Variants in BCL11A observed in about 807,000 individuals in gnomAD.
BCL11A encodes the protein B cell CLL/lymphoma 11A.
In BCL11A, 2 loss-of-function variants were observed where a neutral mutation model predicts 55.9. The observed-to-expected ratio is 0.04, with a 90% CI of 0.01 to 0.11. The LOEUF (loss-of-function observed/expected upper bound fraction) is 0.11. BCL11A is among the 10% of genes least tolerant of loss of function. BCL11A has a pLI of 1.00. For synonymous variants in BCL11A, 465 were observed against 473.4 expected (o/e 0.98, Z 0.23); for missense variants, 817 against 1,137.1 (o/e 0.72, Z 4.05).
At chr2:60,544,866 G>C (rs375748354) in intron 2 of BCL11A, 17 of 152,308 alleles carry the variant, frequency 1.1e-4, no homozygotes, top group East Asian at 7.7e-4. Flanking sequence ...AAAATGTTTT[G>C]AGGGTCACTA....
At chr2:60,506,443 G>T (rs1679597614) in intron 2 of BCL11A, among the ~76,000 whole-genome samples, 2 of 152,214 alleles carry the variant, frequency 1.3e-5, no homozygotes, top group Admixed American at 6.5e-5. Flanking sequence ...ACGCCACATG[G>T]GTCAACCCGA....
At chr2:60,538,362 T>C (rs992377641) in intron 2 of BCL11A, 4 of 152,238 alleles carry the variant, frequency 2.6e-5, no homozygotes, top group African/African-American at 9.6e-5. Flanking sequence ...TCCAGCAGCA[T>C]TGCATCAGAT....
At chr2:60,505,993 G>C (rs1679569117) in intron 2 of BCL11A, among the ~76,000 whole-genome samples, 1 of 152,172 alleles carries the variant, frequency 6.6e-6, no homozygotes, top group African/African-American at 2.4e-5. Context: ...ACCCAAATAG[G>C]GCTTTGCAGG....
chr2:60,510,666 C>T (rs72962592), intron 2 of BCL11A, among the ~76,000 whole-genome samples: 6,375 of 152,248 alleles, frequency 0.042, 430 homozygotes, highest in African/African-American at 0.14. Flanking sequence ...CACCAAGAAC[C>T]GTTCCCAGCA....
Position 60,460,744 on chromosome 2 carries a change from G to A in BCL11A, c.2168C>T (p.Pro723Leu). Residue 723 changes from proline to leucine, a missense_variant, in exon 4 of 4, where the codon CCC becomes CTC. Pro to Leu is a moderately conservative substitution (Grantham distance 98). Transcript: ENST00000642384. ...RSGTGSGGST[P>L]HISGPGPGRP... is the part of the protein sequence containing the mutation. ...GCCCGGGCCCGGACCACTAATATGG[G>A]GCGTGCTCCCTCCACTTCCCGTGCC... is the stretch of plus-strand genomic sequence containing the variant. The A allele has an allele frequency of 6.2e-7, 1 of 1,614,024 alleles. No homozygotes were observed.
chr2:60,457,950 CTCTTT>C lies in BCL11A; in HGVS notation c.*2449_*2453del. 1 of 1,036,514 alleles carries C rather than the reference CTCTTT, an allele frequency of 9.6e-7. No individual in the cohort carries two copies. Among genetic ancestry groups the C allele is most frequent in the Non-Finnish European group, 1.2e-6 (1 of 861,302 alleles). 64.2% of individuals were successfully genotyped at this position (1,036,514 alleles called of 1,614,324 possible). A position where few individuals can be genotyped will look rare whatever the true frequency, so the allele number is the denominator to read the frequency against. On this transcript the variant is annotated 3_prime_UTR_variant, in exon 4 of 4. Transcript: ENST00000642384. ...TGTAATGTCACACTTTTTTGTTTCTCTCTTTTTTTTTTTTTTGAAGCATACAAATA... is the reference window on the plus strand; with the variant it reads ...TGTAATGTCACACTTTTTTGTTTCTCTTTTTTTTTTTGAAGCATACAAATA...
intron 2 of BCL11A, among the ~76,000 whole-genome samples, chr2:60,497,230 G>C (rs1679001309): frequency 6.6e-6 from 1 of 152,208 alleles, no homozygotes; most frequent in Non-Finnish European, 1.5e-5. Context: ...CACTTAATGA[G>C]CTAGAGAAAC....
chr2:60,526,846 A>T (rs1350608890), intron 2 of BCL11A: 1 of 152,252 alleles, frequency 6.6e-6, no homozygotes, highest in Non-Finnish European at 1.5e-5. Flanking sequence ...TCCCTGCGCT[A>T]ATCTCTGCCC....
At chr2:60,527,099 T>C (rs1033190913) in intron 2 of BCL11A, 2 of 152,184 alleles carry the variant, frequency 1.3e-5, no homozygotes, top group African/African-American at 4.8e-5. Flanking sequence ...TCCAGGCACT[T>C]GGCCTGAAGG....
At chr2:60,513,913 T>G (rs151125856) in intron 2 of BCL11A, among the ~76,000 whole-genome samples, 1 of 152,210 alleles carries the variant, frequency 6.6e-6, no homozygotes, top group Non-Finnish European at 1.5e-5. Flanking sequence ...TCCTGGCTTG[T>G]GGTGAGCAAA....
At chr2:60,451,733 T>TGA (rs1675730793) in exon 5 of BCL11A, 1 of 230,320 alleles carries the variant, frequency 4.3e-6, no homozygotes, top group African/African-American at 2.2e-5. Context: ...GCTCGCCCAG[T>TGA]GATGTTCTTT....
chr2:60,543,956 T>C (rs1421502365), intron 2 of BCL11A: 1 of 152,264 alleles, frequency 6.6e-6, no homozygotes, highest in Non-Finnish European at 1.5e-5. Context: ...ACAGAACCTT[T>C]AGACAACCAG....
At chr2:60,457,130 C>T (rs1675977755), downstream of BCL11A, 1 of 549,098 alleles carries the variant, frequency 1.8e-6, no homozygotes, top group Non-Finnish European at 2.3e-6. Flanking sequence ...TCTCTTAAAA[C>T]CTGTTATTTT....
intron 3 of BCL11A, among the ~76,000 whole-genome samples, chr2:60,462,896 G>A (rs1281546725): frequency 6.6e-6 from 1 of 152,186 alleles, no homozygotes; most frequent in African/African-American, 2.4e-5. Context: ...GGTGACAGGT[G>A]AACTTTCTAA....
chr2:60,541,628 T>G (rs572140563), intron 2 of BCL11A, among the ~76,000 whole-genome samples: 1 of 152,362 alleles, frequency 6.6e-6, no homozygotes, highest in East Asian at 1.9e-4. Context: ...GATAGTGGCC[T>G]CACAAACATA....
At chr2:60,514,981 C>T (rs551144984) in intron 2 of BCL11A, among the ~76,000 whole-genome samples, 2 of 152,154 alleles carry the variant, frequency 1.3e-5, no homozygotes, top group Non-Finnish European at 2.9e-5. Context: ...CAGTCCCTTC[C>T]GAACTCAGCC....
chr2:60,455,984 C>G (rs1358601231), downstream of BCL11A, among the ~76,000 whole-genome samples: 1 of 152,148 alleles, frequency 6.6e-6, no homozygotes, highest in Non-Finnish European at 1.5e-5. Flanking sequence ...CCCCACCCCA[C>G]CTCCTATGTA....
chr2:60,462,224 T>C lies in BCL11A; in HGVS notation c.688A>G (p.Ile230Val). The C allele has an allele frequency of 6.2e-7, 1 of 1,612,796 alleles. No individual in the cohort carries two copies. Among genetic ancestry groups the C allele is most frequent in the African/African-American group, 1.3e-5 (1 of 74,884 alleles). The change falls in exon 4 of 4, where the codon ATT (isoleucine) becomes GTT (valine). Residue 230 changes from isoleucine (I) to valine (V), a missense_variant. Physicochemically the swap from Ile to Val is conservative, Grantham distance 29 (BLOSUM62 3). Around this residue, in one of 4 missense-constraint regions of BCL11A, gnomAD observed 363 missense variants for 486.6 expected, o/e 0.75. Transcript: ENST00000642384. ...AAGGGGTTATTGTCTGCAATATGAA[T>C]CCCATGGAGAGGTGGCTGGGAAGGA... ...ECPSQPPLHG[I>V]HIADNNPFNL...
chr2:60,501,031 G>A (rs1477654055), intron 2 of BCL11A, among the ~76,000 whole-genome samples: 1 of 152,156 alleles, frequency 6.6e-6, no homozygotes, highest in Non-Finnish European at 1.5e-5. Context: ...CTGCTCAGCC[G>A]ACCTCATGGT....
Sources: gnomAD v4.1 joint callset for allele counts (sites outside exome capture counted in the v4.1 genomes callset) on GRCh38, gnomAD v4.1.1 for gene constraint, gnomAD v4.1.1 regional missense constraint, MANE v1.5 for transcripts, NCBI Gene and HGNC (gene_info 2026-07-23, HGNC 2026-07-21) for gene names.